Variants in SSC5D observed in about 807,000 individuals in gnomAD.
The protein encoded by SSC5D is scavenger receptor cysteine rich family member with 5 domains, also known as soluble scavenger receptor cysteine-rich domain-containing protein SSC5D.
SSC5D carries 106 observed loss-of-function variants against 104.6 expected under a neutral mutation model. That is an observed-to-expected ratio of 1.01 (90% CI 0.87 to 1.19). SSC5D has a LOEUF of 1.19. Among genes scored for constraint, SSC5D ranks in the 50% most tolerant of loss-of-function variants. The probability of loss-of-function intolerance (pLI) is 0.00; values close to 1 mark genes in which losing one functional copy is unlikely to be tolerated. For missense variants in SSC5D, 1,993 were observed against 2,153.8 expected, an observed-to-expected ratio of 0.93 and a Z score of 1.48; for synonymous variants, 860 against 883.5, an observed-to-expected ratio of 0.97 and a Z score of 0.47.
At position 55,490,372 on chromosome 19, in the gene SSC5D, C is replaced by T. The variant is rs1420281532; in HGVS notation, c.550C>T (p.Arg184Trp). Reference protein sequence around the residue: ...SPRPKQAKSTRAPLLTTGAPR... With the variant: ...SPRPKQAKSTWAPLLTTGAPR... ...CCGGCCCAAGCAGGCCAAGTCCACC[C>T]GGGCCCCTCTGCTGACGACAGGAGC... Residue 184 changes from arginine to tryptophan, a missense_variant, in exon 5 of 14, where the codon CGG (arginine) becomes TGG (tryptophan). Physicochemically the swap from Arg to Trp is moderately radical, Grantham distance 101. Coordinates refer to ENST00000389623, the MANE Select transcript of SSC5D (RefSeq NM_001144950.2). 2.7e-5 allele frequency: 41 copies of T among 1,518,796 alleles called. 1 individual carries two copies. The East Asian group carries it at 3.6e-4, about 13-fold the overall frequency. The allele number at this position is 1,518,796 out of a possible 1,614,324, so 94.1% of individuals were successfully genotyped here. A position where few individuals can be genotyped will look rare whatever the true frequency, so the allele number is the denominator to read the frequency against.
At chr19:55,507,339 CAAAAAAAAAA>C (rs36021371) in intron 12 of SSC5D, among the ~76,000 whole-genome samples, 2 of 32,750 alleles carry the variant, frequency 6.1e-5, no homozygotes, top group African/African-American at 1.3e-4. Context: ...GACCCCGTCT[CAAAAAAAAAA>C]AAAAAAAAAA....
intron 6 of SSC5D, chr19:55,491,382 A>C: frequency 2.7e-6 from 1 of 371,276 alleles, no homozygotes; most frequent in Non-Finnish European, 4.9e-6. Context: ...GGAGCTAAGA[A>C]TGCCTGCCTC....
In SSC5D at chr19:55,501,192, C is replaced by T. The variant is rs982080783; in HGVS notation, c.2776C>T (p.Pro926Ser). Reference sequence around the variant, plus strand: ...CTCCTCCCCAGCAATAAGGCGCCTGCCGGACACAGGTGAGAGGCCTGATTG... The same window carrying T: ...CTCCTCCCCAGCAATAAGGCGCCTGTCGGACACAGGTGAGAGGCCTGATTG... ...GSSSPAIRRL[P>S]DTGSKDGYKL... is the part of the protein sequence containing the mutation. The change falls in exon 12 of 14, where the codon CCG becomes TCG. Residue 926 changes from proline (P) to serine (S), a missense_variant. Physicochemically the swap from Pro to Ser is moderately conservative, Grantham distance 74. Coordinates refer to ENST00000389623, the MANE Select transcript of SSC5D (RefSeq NM_001144950.2). 1.9e-5 allele frequency: 29 copies of T among 1,530,860 alleles called. No individual in the cohort carries two copies. In the Admixed American group the frequency reaches 6.1e-4, roughly 32 times the overall value. 94.8% of individuals were successfully genotyped at this position (1,530,860 alleles called of 1,614,324 possible).
rs73608757 is a variant in SSC5D, at chr19:55,503,202, A to C, written c.2785+2001A>C. ...GTCATCGGCTTGCTGCGGCCTCCCA[A>C]AGTGCTGGAATTGCAGGCGGGAGCC... On this transcript the variant is annotated intron_variant, in intron 12 of 13. Coordinates refer to ENST00000389623, the MANE Select transcript of SSC5D (RefSeq NM_001144950.2). This position sits in a 1 kb window ranked among gnomAD's most constrained non-coding sequence, Gnocchi z 4.0. Among the ~76,000 whole-genome samples the C allele has an allele frequency of 0.2, 29,727 of 151,884 alleles. 3,083 individuals are homozygous for C. The highest frequency in any genetic ancestry group is 0.41 in the East Asian group (2,100 of 5,132).
intron 12 of SSC5D, 78 bp downstream of exon 12, chr19:55,501,279 C>G: frequency 4.2e-6 from 6 of 1,443,232 alleles, no homozygotes; most frequent in Non-Finnish European, 5.5e-6. Context: ...TCCAGAAAGA[C>G]CCTTCTCAAT....
intron 8 of SSC5D, among the ~76,000 whole-genome samples, chr19:55,495,596 G>T (rs990710718): frequency 6.6e-6 from 1 of 151,842 alleles, no homozygotes; most frequent in Non-Finnish European, 1.5e-5. Flanking sequence ...CTGAGGTATG[G>T]TGAGGCCAGG....
At position 55,490,295 on chromosome 19, in the gene SSC5D, C is replaced by T; in HGVS notation, c.476-3C>T. The T allele has an allele frequency of 1.1e-6, 1 of 948,374 alleles. No individual in the cohort carries two copies. Among genetic ancestry groups the T allele is most frequent in the South Asian group, 1.4e-5 (1 of 70,376 alleles). 58.7% of individuals were successfully genotyped at this position (948,374 alleles called of 1,614,324 possible). A position where few individuals can be genotyped will look rare whatever the true frequency, so the allele number is the denominator to read the frequency against. On this transcript the variant is annotated splice_region_variant and splice_polypyrimidine_tract_variant and intron_variant, in intron 4 of 13. Coordinates refer to ENST00000389623, the MANE Select transcript of SSC5D (RefSeq NM_001144950.2). ...CCTGACCCCTGGCTGTCTCCACTCC[C>T]AGCCCCCCGCCCAGCTGGGAACCCC...
chr19:55,494,525 A>G, intron 7 of SSC5D, 85 bp from the exon 8 acceptor site: 2 of 1,383,988 alleles, frequency 1.4e-6, no homozygotes, highest in Non-Finnish European at 1.9e-6. Context: ...GAGAGGACTG[A>G]GGAAGGATGA....
At chr19:55,514,430 TAATAATAATAATAATAATAATAATAA>T (rs1369091548) in intron 13 of SSC5D, among the ~76,000 whole-genome samples, 1 of 70,090 alleles carries the variant, frequency 1.4e-5, no homozygotes, top group Non-Finnish European at 2.3e-5. Context: ...ATAATAATAA[TAATAATAATAATAATAATAATAATAA>T]TAGGTGTGGT....
chr19:55,516,354 T>G (rs1599930985), intron 13 of SSC5D, among the ~76,000 whole-genome samples: 2 of 151,844 alleles, frequency 1.3e-5, no homozygotes, highest in African/African-American at 4.8e-5. Flanking sequence ...AAAATTAGCC[T>G]GGTGTGGTGG....
intron 12 of SSC5D, among the ~76,000 whole-genome samples, chr19:55,506,263 A>T (rs149811510): frequency 5.5e-4 from 84 of 151,680 alleles, no homozygotes; most frequent in Non-Finnish European, 9.4e-4. Context: ...GCAGTGCTTG[A>T]AACTCAGTAG....
intron 7 of SSC5D, 81 bp downstream of exon 7, chr19:55,493,993 G>GGGGT (rs1349791844): frequency 1.6e-5 from 4 of 247,924 alleles, no homozygotes; most frequent in South Asian, 9.2e-5. Context: ...GGGGCGGGGG[G>GGGGT]GTCCCTACGC....
chr19:55,511,965 C>G (rs1182010550), intron 12 of SSC5D, among the ~76,000 whole-genome samples: 1 of 152,042 alleles, frequency 6.6e-6, no homozygotes, highest in Non-Finnish European at 1.5e-5. Flanking sequence ...GATGGTCACG[C>G]AAGCTTGTGA....
chr19:55,494,684 A>T lies in SSC5D; in HGVS notation c.1288A>T (p.Arg430Trp). 6.5e-7 allele frequency: 1 copy of T among 1,549,810 alleles called. No individual in the cohort carries two copies. Residue 430 changes from arginine to tryptophan, a missense_variant, in exon 8 of 14, where the codon AGG becomes TGG. By Grantham distance (101) the Arg-to-Trp change is moderately radical. Coordinates refer to ENST00000389623, the MANE Select transcript of SSC5D (RefSeq NM_001144950.2). ...NNSTPREAAS[R>W]PPSTMTSQAP... ...CTCCACGCCCAGGGAGGCTGCCTCCAGGCCCCCGTCCACCATGACGAGCCA... is the reference window on the plus strand; with the variant it reads ...CTCCACGCCCAGGGAGGCTGCCTCCTGGCCCCCGTCCACCATGACGAGCCA...
rs756968877 is a variant in SSC5D, at chr19:55,489,964, C to T, written c.444C>T (p.Ser148=). ...GGCCAGGGCTGTTGCTGGAGCTGAG[C>T]CCCAGCACGGAGGAGCCCCTGGTGA... ...APWPGLLLEL[S]PSTEEPLVTH... The change falls in exon 4 of 14, where the codon AGC becomes AGT. Residue 148 remains serine, a synonymous_variant. Coordinates refer to ENST00000389623, the MANE Select transcript of SSC5D (RefSeq NM_001144950.2). 62 of 1,549,714 alleles carry T rather than the reference C, an allele frequency of 4.0e-5. 1 individual carries two copies. In the South Asian group the frequency reaches 6.9e-4, roughly 17 times the overall value.
At chr19:55,489,197 T>C (rs1987054540) in intron 2 of SSC5D, 157 bp from the exon 3 acceptor site, 2 of 1,023,196 alleles carry the variant, frequency 2.0e-6, no homozygotes, top group East Asian at 3.1e-5. Flanking sequence ...TGGCCGCATC[T>C]CTCTGAGCAC....
Position 55,499,874 on chromosome 19 carries a change from G to C in SSC5D, c.1764G>C (p.Leu588=). Residue 588 remains leucine (L), a synonymous_variant, in exon 10 of 14, where the codon CTG becomes CTC. Coordinates refer to ENST00000389623, the MANE Select transcript of SSC5D (RefSeq NM_001144950.2). ...DPFSWSWIPG[L]GRDRDAWLPG... is the part of the protein sequence containing the mutation. ...TCAGCTGGAGCTGGATTCCTGGACTGGGGAGAGATCGGGATGCCTGGCTCC... is the reference window on the plus strand; with the variant it reads ...TCAGCTGGAGCTGGATTCCTGGACTCGGGAGAGATCGGGATGCCTGGCTCC... 1 of 1,551,612 alleles carries C rather than the reference G, an allele frequency of 6.4e-7. No homozygotes were observed.
intron 8 of SSC5D, among the ~76,000 whole-genome samples, chr19:55,497,175 C>T (rs1442891813): frequency 6.6e-6 from 1 of 152,206 alleles, no homozygotes; most frequent in African/African-American, 2.4e-5. Context: ...TGGGTACTTC[C>T]ACTACTCCCT....
intron 7 of SSC5D, among the ~76,000 whole-genome samples, chr19:55,494,265 CAG>C (rs1987247512): frequency 6.6e-6 from 1 of 152,158 alleles, no homozygotes; most frequent in Admixed American, 6.5e-5. Context: ...CAAATGGAAA[CAG>C]AGGCGAGGAT....
Sources: allele counts gnomAD v4.1 joint callset (sites outside exome capture counted in the v4.1 genomes callset), GRCh38; gene constraint gnomAD v4.1.1; non-coding constraint Gnocchi (gnomAD v3.1); transcripts MANE v1.5; gene names NCBI Gene and HGNC (gene_info 2026-07-23, HGNC 2026-07-21).